RBFOX1: variants seen among roughly 807,000 people sequenced by gnomAD.
RBFOX1 encodes RNA binding fox-1 homolog 1, also known as RNA binding protein fox-1 homolog 1.
In RBFOX1, 8 loss-of-function variants were observed where a neutral mutation model predicts 57.7. The observed-to-expected ratio is 0.14, with a 90% CI of 0.08 to 0.25. The LOEUF is 0.25. Among genes scored for constraint, RBFOX1 ranks in the 10% least tolerant of loss-of-function variants. The pLI is 1.00. For missense variants in RBFOX1, 611 were observed against 548.5 expected (o/e 1.11, Z -1.14); for synonymous variants, 326 against 222.4 (o/e 1.47, Z -4.15).
intron 1 of RBFOX1, among the ~76,000 whole-genome samples, chr16:6,156,925 G>C (rs1025901351): frequency 1.3e-5 from 2 of 152,082 alleles, no homozygotes; most frequent in Non-Finnish European, 2.9e-5. Context: ...CCATAGCCCC[G>C]AACTCCTGAG....
chr16:7,156,581 G>C (rs1190919650), intron 4 of RBFOX1, among the ~76,000 whole-genome samples: 2 of 151,800 alleles, frequency 1.3e-5, no homozygotes, highest in Non-Finnish European at 2.9e-5. Flanking sequence ...ATGCACATTT[G>C]CATGCAGATA....
intron 1 of RBFOX1, among the ~76,000 whole-genome samples, chr16:5,420,549 T>C (rs1362446690): frequency 6.6e-6 from 1 of 152,022 alleles, no homozygotes; most frequent in African/African-American, 2.4e-5. Context: ...CACTCTGTCA[T>C]CCAGGCTGGA....
intron 4 of RBFOX1, among the ~76,000 whole-genome samples, chr16:7,106,892 C>T (rs147210863): frequency 1.5e-3 from 225 of 152,154 alleles, no homozygotes; most frequent in African/African-American, 5.3e-3. Flanking sequence ...ATGCACCAGA[C>T]ACTATTCTTG....
chr16:6,727,341 TA>T (rs1476336059), intron 3 of RBFOX1, among the ~76,000 whole-genome samples: 1 of 152,150 alleles, frequency 6.6e-6, no homozygotes, highest in Non-Finnish European at 1.5e-5. Context: ...TGCACCAACC[TA>T]ATAGAAACTA....
chr16:5,516,569 TC>T (rs776060553), intron 2 of RBFOX1, among the ~76,000 whole-genome samples: 1 of 152,244 alleles, frequency 6.6e-6, no homozygotes, highest in Non-Finnish European at 1.5e-5. Context: ...AGACAGTGAT[TC>T]TTTTTTAATT....
chr16:6,816,380 C>T (rs977205253), intron 3 of RBFOX1, among the ~76,000 whole-genome samples: 9 of 151,602 alleles, frequency 5.9e-5, no homozygotes, highest in African/African-American at 1.9e-4. Flanking sequence ...AGATGAAAGT[C>T]AATCTTCGGT....
chr16:6,951,392 A>T (rs2080733330), intron 3 of RBFOX1, among the ~76,000 whole-genome samples: 1 of 152,190 alleles, frequency 6.6e-6, no homozygotes, highest in Non-Finnish European at 1.5e-5. Context: ...ATAATGGCTT[A>T]AAACAATAAC....
At chr16:7,662,427 G>C (rs938644928) in intron 12 of RBFOX1, among the ~76,000 whole-genome samples, 1 of 152,068 alleles carries the variant, frequency 6.6e-6, no homozygotes, top group African/African-American at 2.4e-5. Context: ...AATTCTACCT[G>C]GAGTTGGTAA....
intron 3 of RBFOX1, among the ~76,000 whole-genome samples, chr16:5,681,347 G>A (rs1404244435): frequency 6.7e-6 from 1 of 150,006 alleles, no homozygotes; most frequent in Non-Finnish European, 1.5e-5. Flanking sequence ...GCCTCCCAAA[G>A]TGTTGGGATT....
At chr16:6,416,781 CGG>C (rs2093635648) in intron 2 of RBFOX1, among the ~76,000 whole-genome samples, 1 of 152,138 alleles carries the variant, frequency 6.6e-6, no homozygotes, top group Non-Finnish European at 1.5e-5. Context: ...ACAGGATACA[CGG>C]ATACATCAAA....
intron 2 of RBFOX1, among the ~76,000 whole-genome samples, chr16:6,498,962 AT>A (rs2095847257): frequency 6.6e-6 from 1 of 152,128 alleles, no homozygotes; most frequent in South Asian, 2.1e-4. Context: ...AATACACCCC[AT>A]TGGCAAAAAG....
chr16:6,892,389 A>G (rs117434991), intron 3 of RBFOX1, among the ~76,000 whole-genome samples: 1,879 of 152,260 alleles, frequency 0.012, 22 homozygotes, highest in Non-Finnish European at 0.02. Flanking sequence ...AAAGTCTGAG[A>G]CCAGGCATGG....
At position 5,856,575 on chromosome 16, in the gene RBFOX1, G is replaced by GTATATATATA. The variant is rs375112636; in HGVS notation, c.319-10707_319-10698dup. Among the ~76,000 whole-genome samples, 80 of 32,906 alleles carry GTATATATATA rather than the reference G, an allele frequency of 2.4e-3. 2 individuals are homozygous for GTATATATATA. Among genetic ancestry groups the GTATATATATA allele is most frequent in the African/African-American group, 6.3e-3 (50 of 7,944 alleles). The allele number at this position is 32,906 out of a possible 152,430, so 21.6% of individuals were successfully genotyped here. On this transcript the variant is annotated intron_variant, in intron 3 of 19. Coordinates refer to the RBFOX1 transcript ENST00000641259. ...TGTGTGTGTGTGTATGTGTGTGTGT[G>GTATATATATA]TATATATATATATATATATATATAT...
chr16:7,414,888 G>C (rs2098463961), intron 4 of RBFOX1, among the ~76,000 whole-genome samples: 1 of 152,200 alleles, frequency 6.6e-6, no homozygotes, highest in Admixed American at 6.5e-5. Flanking sequence ...AAAATGCTGG[G>C]ATTACAGGTG....
intron 2 of RBFOX1, among the ~76,000 whole-genome samples, chr16:6,624,036 T>C (rs1056069569): frequency 3.9e-5 from 6 of 152,204 alleles, no homozygotes; most frequent in African/African-American, 1.4e-4. Flanking sequence ...CCACAATGGT[T>C]GAACTAGTTT....
chr16:6,075,757 G>A (rs1023645993), intron 1 of RBFOX1, among the ~76,000 whole-genome samples: 1 of 152,152 alleles, frequency 6.6e-6, no homozygotes, highest in African/African-American at 2.4e-5. Flanking sequence ...AGGAACTTGG[G>A]GAACTTCTAA....
intron 3 of RBFOX1, among the ~76,000 whole-genome samples, chr16:5,716,595 A>G (rs1181822355): frequency 6.6e-6 from 1 of 152,240 alleles, no homozygotes; most frequent in Non-Finnish European, 1.5e-5. Flanking sequence ...GAACGCTTAT[A>G]TGCTGTTGGT....
At chr16:7,299,387 G>A (rs1310809844) in intron 4 of RBFOX1, among the ~76,000 whole-genome samples, 3 of 152,174 alleles carry the variant, frequency 2.0e-5, no homozygotes, top group Admixed American at 1.3e-4. Flanking sequence ...TCTTGGAAGC[G>A]TGGTTTATTT....
At chr16:7,132,836 G>T (rs898918128) in intron 4 of RBFOX1, among the ~76,000 whole-genome samples, 2 of 152,080 alleles carry the variant, frequency 1.3e-5, no homozygotes, top group African/African-American at 4.8e-5. Flanking sequence ...ACATCTTTCA[G>T]TAACTGCCAT....
Sources: gnomAD v4.1 joint callset for allele counts (sites outside exome capture counted in the v4.1 genomes callset) on GRCh38, gnomAD v4.1.1 for gene constraint, MANE v1.5 for transcripts, NCBI Gene and HGNC (gene_info 2026-07-23, HGNC 2026-07-21) for gene names.